The following SEMA3E variants were observed in gnomAD, a reference collection of about 807,000 sequenced individuals.
The protein encoded by SEMA3E is semaphorin 3E, also known as semaphorin-3E.
In SEMA3E, 49 loss-of-function variants were observed where a neutral mutation model predicts 93.6. The observed-to-expected ratio is 0.52, with a 90% CI of 0.42 to 0.66. SEMA3E has a LOEUF of 0.66. SEMA3E is among the 30% of genes least tolerant of loss of function. The pLI is 0.00. For synonymous variants in SEMA3E, 363 were observed against 330.7 expected (o/e 1.10, Z -1.06); for missense variants, 906 against 964.8 (o/e 0.94, Z 0.81).
rs567925765 is a variant in SEMA3E at position 83,570,200 on chromosome 7, T to C, written c.115+78228A>G. Among the ~76,000 whole-genome samples the C allele has an allele frequency of 2.0e-5, 3 of 152,194 alleles. No individual in the cohort carries two copies. The East Asian group carries it at 5.8e-4, about 29-fold the overall frequency. On this transcript the variant is annotated intron_variant, in intron 1 of 16. Transcript: ENST00000643230. Reference sequence around the variant, plus strand: ...AAAATAAAGACACAGCTTACCAATATATTTGGGATGCAGCTAACGCAGCGT... The same window carrying C: ...AAAATAAAGACACAGCTTACCAATACATTTGGGATGCAGCTAACGCAGCGT...
rs138144321 is a variant in SEMA3E at position 83,636,905 on chromosome 7, C to T, written c.115+11523G>A. On this transcript the variant is annotated intron_variant, in intron 1 of 16. Coordinates refer to ENST00000643230, the MANE Select transcript of SEMA3E (RefSeq NM_012431.3). Reference sequence around the variant, plus strand: ...GTCTCTTTTCAGCCCCAACTTCATGCTTTCATAGCATCCCTTGATATATAA... The same window carrying T: ...GTCTCTTTTCAGCCCCAACTTCATGTTTTCATAGCATCCCTTGATATATAA... Among the ~76,000 whole-genome samples, 450 of 152,154 alleles carry T rather than the reference C, an allele frequency of 3.0e-3. 2 individuals carry two copies. Among genetic ancestry groups the T allele is most frequent in the African/African-American group, 0.01 (430 of 41,472 alleles).
chr7:83,466,484 C>T lies in SEMA3E; in HGVS notation c.454G>A (p.Glu152Lys), dbSNP rs1789758675. The change falls in exon 4 of 17, where the codon GAG (glutamate) becomes AAG (lysine). Residue 152 changes from glutamate (E) to lysine (K), a missense_variant and splice_region_variant. Physicochemically the swap from Glu to Lys is moderately conservative, Grantham distance 56 (BLOSUM62 1). Transcript: ENST00000643230. ...CAGCAATGAATGAAACATCTTACCT[C>T]CAAATGATATCCAACTCTGATGAAG... ...CAFIRVGYHL[E>K]DPLFHLESPR... 1 of 1,613,778 alleles carries T rather than the reference C, an allele frequency of 6.2e-7. No homozygotes were observed. Among genetic ancestry groups the T allele is most frequent in the African/African-American group, 1.3e-5 (1 of 74,914 alleles).
Position 83,405,514 on chromosome 7 carries a change from C to T in SEMA3E, c.934G>A (p.Val312Ile), listed in dbSNP as rs996184916. ...IDTYFDELED[V>I]FLLPTRDHKN... ...TGATCTCTGGTAGGTAGCAAAAAAA[C>T]GTCCTCTGAAAAATTAAAGGCCATT... Residue 312 changes from valine to isoleucine, a missense_variant, in exon 9 of 17, where the codon GTT becomes ATT. Physicochemically the swap from Val to Ile is conservative, Grantham distance 29. Coordinates refer to ENST00000643230, the MANE Select transcript of SEMA3E (RefSeq NM_012431.3). 1.2e-6 allele frequency: 2 copies of T among 1,612,756 alleles called. No homozygotes were observed. The highest frequency in any genetic ancestry group is 1.7e-6 in the Non-Finnish European group (2 of 1,179,144).
rs1224607258 is a variant in SEMA3E, at chr7:83,619,900, T to TAGACAGAC, written c.115+28527_115+28528insGTCTGTCT. 2.1e-3 allele frequency among the ~76,000 whole-genome samples: 242 copies of TAGACAGAC among 117,812 alleles called. 2 individuals are homozygous for TAGACAGAC. The highest frequency in any genetic ancestry group is 9.9e-3 in the South Asian group (33 of 3,330). 77.3% of individuals were successfully genotyped at this position (117,812 alleles called of 152,430 possible). A position where few individuals can be genotyped will look rare whatever the true frequency, so the allele number is the denominator to read the frequency against. On this transcript the variant is annotated intron_variant, in intron 1 of 16. Transcript: ENST00000643230. ...GATAGATAGATGATAGATAGATAGA[T>TAGACAGAC]AGACAGATAGATAGATAGATAGACA...
chr7:83,611,354 GTGTAAATTTATATATTATATA>G (rs1474130231), intron 1 of SEMA3E, among the ~76,000 whole-genome samples: 3 of 139,430 alleles, frequency 2.2e-5, no homozygotes, highest in Non-Finnish European at 4.6e-5. Context: ...TATAATATAT[GTGTAAATTTATATATTATATA>G]TATAAATTTA....
chr7:83,537,101 T>C (rs1004170582), intron 1 of SEMA3E, among the ~76,000 whole-genome samples: 5 of 151,862 alleles, frequency 3.3e-5, no homozygotes, highest in African/African-American at 1.2e-4. Context: ...CTCTTCCCTA[T>C]GAGGATACAG....
At chr7:83,639,096 G>A (rs1793939560) in intron 1 of SEMA3E, among the ~76,000 whole-genome samples, 1 of 84,884 alleles carries the variant, frequency 1.2e-5, no homozygotes, top group Non-Finnish European at 2.4e-5. Flanking sequence ...GGGCGACAGA[G>A]CGAGACTCCG....
At chr7:83,593,850 A>G (rs1180000826) in intron 1 of SEMA3E, among the ~76,000 whole-genome samples, 1 of 152,108 alleles carries the variant, frequency 6.6e-6, no homozygotes, top group Non-Finnish European at 1.5e-5. Flanking sequence ...TTTCAATTTT[A>G]CTGTGGAAAT....
intron 2 of SEMA3E, among the ~76,000 whole-genome samples, chr7:83,473,524 A>G (rs1157624484): frequency 6.6e-6 from 1 of 152,200 alleles, no homozygotes; most frequent in African/African-American, 2.4e-5. Flanking sequence ...GATTGGCGGT[A>G]TTTTTTATTT....
At chr7:83,605,289 A>T (rs1741676982) in intron 1 of SEMA3E, among the ~76,000 whole-genome samples, 1 of 152,126 alleles carries the variant, frequency 6.6e-6, no homozygotes, top group Non-Finnish European at 1.5e-5. Flanking sequence ...ACTTGCCGGT[A>T]TCTATTGTTT....
intron 1 of SEMA3E, among the ~76,000 whole-genome samples, chr7:83,624,213 G>A (rs1793623986): frequency 6.6e-6 from 1 of 152,182 alleles, no homozygotes; most frequent in African/African-American, 2.4e-5. Flanking sequence ...ATAGTAGAAT[G>A]ATTTAAAATC....
At chr7:83,411,510 T>C (rs1788438209) in intron 5 of SEMA3E, among the ~76,000 whole-genome samples, 1 of 152,070 alleles carries the variant, frequency 6.6e-6, no homozygotes, top group South Asian at 2.1e-4. Context: ...ATAATTATGT[T>C]TAGCAAAATA....
intron 2 of SEMA3E, among the ~76,000 whole-genome samples, chr7:83,483,574 T>C (rs1790191700): frequency 6.6e-6 from 1 of 152,156 alleles, no homozygotes; most frequent in African/African-American, 2.4e-5. Flanking sequence ...TAAGCACCCC[T>C]AGACAAACTA....
chr7:83,429,501 T>C (rs1013715788), intron 4 of SEMA3E, among the ~76,000 whole-genome samples: 1 of 152,218 alleles, frequency 6.6e-6, no homozygotes, highest in Non-Finnish European at 1.5e-5. Context: ...CTTCAAACCT[T>C]ATGTTTTTCT....
At chr7:83,399,974 T>A (rs1000366921) in intron 11 of SEMA3E, 54 bp downstream of exon 11, 1 of 1,339,148 alleles carries the variant, frequency 7.5e-7, no homozygotes, top group African/African-American at 1.4e-5. Context: ...TTATTAAAAT[T>A]ATTGAATTTA....
chr7:83,376,121 G>T (rs1339100749), intron 16 of SEMA3E, among the ~76,000 whole-genome samples: 1 of 152,018 alleles, frequency 6.6e-6, no homozygotes, highest in Non-Finnish European at 1.5e-5. Flanking sequence ...TGGTTCAAAT[G>T]AGGCAAGAGT....
rs150126164 is a variant in SEMA3E at position 83,628,408 on chromosome 7, A to G, written c.115+20020T>C. On this transcript the variant is annotated intron_variant, in intron 1 of 16. Coordinates refer to ENST00000643230, the MANE Select transcript of SEMA3E (RefSeq NM_012431.3). ...TTTCCAACTTGGTTGCATTCTCCCC[A>G]TCACTTTCAGGTACACCAATGAAAC... Among the ~76,000 whole-genome samples the G allele has an allele frequency of 1.7e-3, 266 of 152,216 alleles. 2 individuals carry two copies. The highest frequency in any genetic ancestry group is 3.5e-3 in the Non-Finnish European group (235 of 68,024).
intron 12 of SEMA3E, among the ~76,000 whole-genome samples, chr7:83,396,269 T>C (rs568938586): frequency 2.0e-5 from 3 of 152,192 alleles, no homozygotes; most frequent in African/African-American, 4.8e-5. Flanking sequence ...TAAAAAGCAG[T>C]ATGCTTATCT....
At chr7:83,434,824 C>T (rs1209430300) in intron 4 of SEMA3E, among the ~76,000 whole-genome samples, 1 of 149,352 alleles carries the variant, frequency 6.7e-6, no homozygotes, top group Non-Finnish European at 1.5e-5. Flanking sequence ...CGCCATTCTC[C>T]TGCCTCAGCC....
Sources: gnomAD v4.1 joint callset for allele counts (sites outside exome capture counted in the v4.1 genomes callset) on GRCh38, gnomAD v4.1.1 for gene constraint, MANE v1.5 for transcripts, NCBI Gene and HGNC (gene_info 2026-07-23, HGNC 2026-07-21) for gene names.